Variants in CCDC141 observed in about 807,000 individuals in gnomAD.
CCDC141 encodes coiled-coil domain containing 141.
Under a neutral mutation model 181.0 loss-of-function variants are expected in CCDC141, and 168 were observed. The ratio of observed to expected loss-of-function variants is 0.93; its 90% CI spans 0.82 to 1.05. The LOEUF (loss-of-function observed/expected upper bound fraction) is 1.05, where lower values mean the gene tolerates loss of function less well. Among genes scored for constraint, CCDC141 ranks in the 50% least tolerant of loss-of-function variants. CCDC141 has a pLI of 0.00. For missense variants in CCDC141, 1,902 were observed against 1,788.5 expected (o/e 1.06, Z -1.14); for synonymous variants, 666 against 642.3 (o/e 1.04, Z -0.56).
chr2:178,990,031 C>T (rs77866365), intron 2 of CCDC141, among the ~76,000 whole-genome samples: 3,844 of 150,588 alleles, frequency 0.026, 88 homozygotes, highest in Middle Eastern at 0.072. Context: ...CCCAGCTACT[C>T]GAGATGCTAA....
intron 2 of CCDC141, among the ~76,000 whole-genome samples, chr2:178,983,837 G>C (rs1050679502): frequency 6.6e-6 from 1 of 151,284 alleles, no homozygotes; most frequent in Non-Finnish European, 1.5e-5. Context: ...ATCTACATCT[G>C]ATTGGTGTAC....
chr2:178,990,508 A>G (rs1466897674), intron 2 of CCDC141, among the ~76,000 whole-genome samples: 1 of 147,850 alleles, frequency 6.8e-6, no homozygotes, highest in African/African-American at 2.5e-5. Flanking sequence ...CATAGTACAA[A>G]AGAGAGAGAG....
intron 6 of CCDC141, among the ~76,000 whole-genome samples, chr2:178,941,369 C>A (rs772009224): frequency 7.2e-5 from 11 of 152,292 alleles, no homozygotes; most frequent in Admixed American, 5.9e-4. Context: ...CTCCTGAAGT[C>A]TTAATAGCCA....
At chr2:178,966,488 G>A (rs1381713850) in intron 4 of CCDC141, among the ~76,000 whole-genome samples, 2 of 152,144 alleles carry the variant, frequency 1.3e-5, no homozygotes, top group Non-Finnish European at 1.5e-5. Context: ...GGTCAGGAGT[G>A]GACCTCCAGC....
intron 8 of CCDC141, among the ~76,000 whole-genome samples, chr2:178,897,596 C>T (rs550742531): frequency 4.9e-4 from 74 of 152,200 alleles, no homozygotes; most frequent in Non-Finnish European, 6.2e-4. Context: ...AGCTTAAATC[C>T]GCCATGATGA....
chr2:179,021,091 A>C (rs751190747), intron 2 of CCDC141, among the ~76,000 whole-genome samples: 6 of 152,198 alleles, frequency 3.9e-5, no homozygotes, highest in Admixed American at 1.3e-4. Flanking sequence ...AAAATGTAAG[A>C]TAATTATAAG....
chr2:179,034,274 G>T (rs1234527547), intron 2 of CCDC141, among the ~76,000 whole-genome samples: 1 of 152,176 alleles, frequency 6.6e-6, no homozygotes, highest in African/African-American at 2.4e-5. Context: ...GTTCTCACTT[G>T]TAAGTGGGAG....
chr2:178,927,934 A>C (rs530006785), intron 6 of CCDC141, among the ~76,000 whole-genome samples: 3 of 152,328 alleles, frequency 2.0e-5, no homozygotes, highest in Admixed American at 2.0e-4. Flanking sequence ...GCCTGGCTCC[A>C]TAGTGGTTGA....
chr2:179,010,677 A>G (rs2042242216), intron 2 of CCDC141, among the ~76,000 whole-genome samples: 1 of 152,186 alleles, frequency 6.6e-6, no homozygotes, highest in Admixed American at 6.5e-5. Context: ...TCATGGAAAC[A>G]CAACAAAACA....
intron 2 of CCDC141, among the ~76,000 whole-genome samples, chr2:179,046,603 A>G (rs2043506304): frequency 6.6e-6 from 1 of 152,248 alleles, no homozygotes; most frequent in Non-Finnish European, 1.5e-5. Context: ...GGAGCCAGAC[A>G]TTAAGTAGTG....
At chr2:178,926,142 G>A (rs1376177041) in intron 6 of CCDC141, among the ~76,000 whole-genome samples, 5 of 151,072 alleles carry the variant, frequency 3.3e-5, no homozygotes, top group Non-Finnish European at 7.4e-5. Context: ...ATATTGGTAG[G>A]GTGAAAAAAA....
At chr2:178,957,302 T>C (rs764551826) in intron 5 of CCDC141, among the ~76,000 whole-genome samples, 2 of 152,334 alleles carry the variant, frequency 1.3e-5, no homozygotes, top group Non-Finnish European at 2.9e-5. Context: ...TTAATCCTTA[T>C]AGCAACTCTG....
In CCDC141 at chr2:178,917,145, T is replaced by A. The variant is rs148995847; in HGVS notation, c.1092+1568A>T. ...TGCTTTATAGCAATATGTTTGATAA[T>A]GGTTTTCCTTAGAAACAATATTAAC... On this transcript the variant is annotated intron_variant, in intron 7 of 23. Coordinates refer to ENST00000443758, the MANE Select transcript of CCDC141 (RefSeq NM_173648.4). 5.9e-3 allele frequency among the ~76,000 whole-genome samples: 905 copies of A among 152,308 alleles called. 11 individuals carry two copies. Among genetic ancestry groups the A allele is most frequent in the African/African-American group, 0.02 (839 of 41,576 alleles).
chr2:178,871,889 A>G (rs1686135031), intron 13 of CCDC141, among the ~76,000 whole-genome samples: 1 of 152,226 alleles, frequency 6.6e-6, no homozygotes, highest in Non-Finnish European at 1.5e-5. Context: ...CATCCCAAAC[A>G]GAAACTCTGT....
At chr2:178,823,414 TATTAGCATATAAACC>T in the CCDC141 span, among the ~76,000 whole-genome samples, 2 of 152,188 alleles carry the variant, frequency 1.3e-5, no homozygotes, top group African/African-American at 4.8e-5. Context: ...TACATTTTAT[TATTAGCATATAAACC>T]ATTAGCAATA....
intron 8 of CCDC141, among the ~76,000 whole-genome samples, chr2:178,890,679 T>G (rs1430864282): frequency 6.6e-6 from 1 of 152,132 alleles, no homozygotes; most frequent in Non-Finnish European, 1.5e-5. Context: ...GAATCCCTAC[T>G]TTGTCTTAAT....
intron 17 of CCDC141, among the ~76,000 whole-genome samples, chr2:178,858,858 C>T (rs574564705): frequency 6.6e-6 from 1 of 152,250 alleles, no homozygotes; most frequent in African/African-American, 2.4e-5. Context: ...CATTGGATTA[C>T]ATCTGCTTTA....
At chr2:178,870,834 C>T (rs1052141102) in intron 14 of CCDC141, among the ~76,000 whole-genome samples, 1 of 152,006 alleles carries the variant, frequency 6.6e-6, no homozygotes, top group Non-Finnish European at 1.5e-5. Context: ...CAATTTTTGG[C>T]GGTTGTGTCA....
chr2:178,910,381 G>A (rs945426454), intron 7 of CCDC141, among the ~76,000 whole-genome samples: 2 of 152,128 alleles, frequency 1.3e-5, no homozygotes, highest in Admixed American at 6.5e-5. Flanking sequence ...TTCCTTCCAC[G>A]AGTCTAGTGG....
Sources: allele counts gnomAD v4.1 joint callset (sites outside exome capture counted in the v4.1 genomes callset), GRCh38; gene constraint gnomAD v4.1.1; transcripts MANE v1.5; gene names NCBI Gene and HGNC (gene_info 2026-07-23, HGNC 2026-07-21).